Variants in SLC35F3 observed in about 807,000 individuals in gnomAD.
SLC35F3 encodes the protein putative thiamine transporter SLC35F3.
In SLC35F3, 25 loss-of-function variants were observed where a neutral mutation model predicts 49.9. That is an observed-to-expected ratio of 0.50 (90% confidence interval 0.37 to 0.70). SLC35F3 has a LOEUF of 0.70. Ranked by LOEUF, SLC35F3 falls within the 30% of genes least tolerant of loss-of-function variation. The pLI, the probability that SLC35F3 is intolerant of heterozygous loss-of-function variation, is 0.00. For missense variants in SLC35F3, 525 were observed against 639.8 expected, an observed-to-expected ratio of 0.82 and a Z score of 1.94; for synonymous variants, 275 against 265.4, an observed-to-expected ratio of 1.04 and a Z score of -0.35.
intron 3 of SLC35F3, chr1:234,285,393 G>A: frequency 2.1e-6 from 1 of 467,440 alleles, no homozygotes; most frequent in African/African-American, 2.0e-5. Context: ...CAAGAGAGAT[G>A]AATTAATCCT....
chr1:234,041,963 C>T (rs546652678), intron 2 of SLC35F3, among the ~76,000 whole-genome samples: 1 of 152,284 alleles, frequency 6.6e-6, no homozygotes, highest in South Asian at 2.1e-4. Context: ...CATCTTTATG[C>T]ACGTGCATGT....
At chr1:234,211,372 A>T (rs912512536) in intron 2 of SLC35F3, among the ~76,000 whole-genome samples, 3 of 152,180 alleles carry the variant, frequency 2.0e-5, no homozygotes, top group South Asian at 2.1e-4. Context: ...AGAATGGTAG[A>T]TCCACAGACA....
intron 2 of SLC35F3, among the ~76,000 whole-genome samples, chr1:234,101,752 T>C (rs187137186): frequency 2.9e-4 from 44 of 152,346 alleles, no homozygotes; most frequent in Admixed American, 7.8e-4. Flanking sequence ...TACCTTTTTC[T>C]TGACACATTC....
chr1:234,238,096 GT>G, intron 3 of SLC35F3, among the ~76,000 whole-genome samples: 1 of 152,294 alleles, frequency 6.6e-6, no homozygotes, highest in East Asian at 1.9e-4. Flanking sequence ...TTGTTTGTGT[GT>G]TTATTTTTGT....
chr1:234,048,998 A>G (rs1362324478), intron 2 of SLC35F3, among the ~76,000 whole-genome samples: 2 of 152,344 alleles, frequency 1.3e-5, no homozygotes, highest in East Asian at 1.9e-4. Context: ...ACAACTGGAT[A>G]AGAATTTGCC....
intron 2 of SLC35F3, among the ~76,000 whole-genome samples, chr1:233,972,918 G>A (rs551045418): frequency 1.3e-5 from 2 of 152,334 alleles, no homozygotes; most frequent in African/African-American, 4.8e-5. Flanking sequence ...AGACAGCCCT[G>A]ACCCAGGGCC....
intron 3 of SLC35F3, among the ~76,000 whole-genome samples, chr1:234,296,033 AT>A (rs1371274348): frequency 6.6e-6 from 1 of 152,204 alleles, no homozygotes; most frequent in East Asian, 1.9e-4. Flanking sequence ...CAAACCAATC[AT>A]TGCTGATGTG....
At chr1:234,235,629 A>T (rs1254249113) in intron 3 of SLC35F3, among the ~76,000 whole-genome samples, 1 of 152,254 alleles carries the variant, frequency 6.6e-6, no homozygotes, top group Non-Finnish European at 1.5e-5. Context: ...CCTGCTTTCG[A>T]AAGCAAATGC....
chr1:234,273,343 C>T (rs1199393998), intron 3 of SLC35F3, among the ~76,000 whole-genome samples: 2 of 152,214 alleles, frequency 1.3e-5, no homozygotes, highest in Non-Finnish European at 2.9e-5. Flanking sequence ...CCCAGAAGGG[C>T]CCACACCGGT....
chr1:234,267,968 T>A (rs1380423176), intron 3 of SLC35F3, among the ~76,000 whole-genome samples: 4 of 142,196 alleles, frequency 2.8e-5, no homozygotes, highest in South Asian at 2.3e-4. Flanking sequence ...CTCACTTCCC[T>A]GACTGGGCAG....
At chr1:234,179,183 A>C (rs1209082418) in intron 2 of SLC35F3, among the ~76,000 whole-genome samples, 2 of 152,190 alleles carry the variant, frequency 1.3e-5, no homozygotes, top group Non-Finnish European at 2.9e-5. Flanking sequence ...TGAGTAGAAT[A>C]GAACTCCTAC....
intron 2 of SLC35F3, among the ~76,000 whole-genome samples, chr1:234,040,056 C>T (rs1664198545): frequency 6.6e-6 from 1 of 152,064 alleles, no homozygotes; most frequent in Admixed American, 6.5e-5. Flanking sequence ...AATGAGATGA[C>T]ATGGATGAAT....
At chr1:234,139,951 TAATAAAATAAAATAAAATAAAATAA>T (rs1553308858) in intron 2 of SLC35F3, among the ~76,000 whole-genome samples, 1 of 90,564 alleles carries the variant, frequency 1.1e-5, no homozygotes, top group African/African-American at 4.0e-5. Flanking sequence ...CATCTCAAAA[TAATAAAATAAAATAAAATAAAATAA>T]AATAAAATAA....
chr1:233,987,996 T>A (rs1295853087), intron 2 of SLC35F3, among the ~76,000 whole-genome samples: 1 of 152,214 alleles, frequency 6.6e-6, no homozygotes, highest in Admixed American at 6.5e-5. Context: ...GTCTTCTGCC[T>A]TCTTCATTGA....
At chr1:234,102,303 G>A (rs1209988106) in intron 2 of SLC35F3, among the ~76,000 whole-genome samples, 6 of 152,170 alleles carry the variant, frequency 3.9e-5, no homozygotes, top group East Asian at 1.9e-4. Flanking sequence ...ATTCAGACCC[G>A]GATCAGGTTT....
At chr1:233,968,870 A>G (rs1024183670) in intron 2 of SLC35F3, among the ~76,000 whole-genome samples, 22 of 152,144 alleles carry the variant, frequency 1.4e-4, no homozygotes, top group Admixed American at 3.9e-4. Flanking sequence ...CTTTATGATC[A>G]TGTATACTTA....
At chr1:234,305,974 GGTGTTAGACTGTCCC>G (rs1162820887) in intron 3 of SLC35F3, among the ~76,000 whole-genome samples, 2 of 152,092 alleles carry the variant, frequency 1.3e-5, no homozygotes, top group African/African-American at 4.8e-5. Flanking sequence ...AGGAATGAAG[GGTGTTAGACTGTCCC>G]GTCAGTAATG....
At chr1:234,108,333 A>T (rs1324531034) in intron 2 of SLC35F3, among the ~76,000 whole-genome samples, 1 of 123,298 alleles carries the variant, frequency 8.1e-6, no homozygotes, top group Non-Finnish European at 1.6e-5. Context: ...TATATTATTT[A>T]TATATATAAA....
intron 2 of SLC35F3, among the ~76,000 whole-genome samples, chr1:234,143,862 T>G (rs1010100403): frequency 6.6e-6 from 1 of 152,194 alleles, no homozygotes; most frequent in African/African-American, 2.4e-5. Context: ...CTGACTTCAT[T>G]TCCTTTAGGA....
Sources: allele counts gnomAD v4.1 joint callset (sites outside exome capture counted in the v4.1 genomes callset), GRCh38; gene constraint gnomAD v4.1.1; transcripts MANE v1.5; gene names NCBI Gene and HGNC (gene_info 2026-07-23, HGNC 2026-07-21).